Variants in SPTBN1 observed in about 807,000 individuals in gnomAD.
The protein encoded by SPTBN1 is spectrin beta, non-erythrocytic 1.
Under a neutral mutation model 266.4 loss-of-function variants are expected in SPTBN1, and 32 were observed. The observed-to-expected ratio is 0.12, with a 90% confidence interval of 0.09 to 0.16. The LOEUF (loss-of-function observed/expected upper bound fraction) is 0.16, where lower values mean the gene tolerates loss of function less well. SPTBN1 is among the 10% of genes least tolerant of loss of function. The pLI, the probability that SPTBN1 is intolerant of heterozygous loss-of-function variation, is 1.00. For synonymous variants in SPTBN1, 1,336 were observed against 1,162.2 expected (o/e 1.15, Z -3.04); for missense variants, 2,296 against 3,067.1 (o/e 0.75, Z 5.94).
intron 2 of SPTBN1, among the ~76,000 whole-genome samples, chr2:54,571,451 C>G (rs1310509515): frequency 6.6e-6 from 1 of 152,020 alleles, no homozygotes; most frequent in Non-Finnish European, 1.5e-5. Context: ...GCCAAACATT[C>G]CACATCCGGG....
At chr2:54,510,115 C>T (rs752996970) in intron 1 of SPTBN1, among the ~76,000 whole-genome samples, 2 of 151,960 alleles carry the variant, frequency 1.3e-5, no homozygotes, top group Non-Finnish European at 2.9e-5. Flanking sequence ...CCCACCTCTG[C>T]GCCCGGCTAA....
intron 1 of SPTBN1, among the ~76,000 whole-genome samples, chr2:54,519,664 T>C (rs1670316941): frequency 2.0e-5 from 3 of 152,204 alleles, no homozygotes; most frequent in Non-Finnish European, 4.4e-5. Context: ...TCTGATGGCA[T>C]TGGGAGCCAT....
rs1680928931 is a variant in SPTBN1 at position 54,659,992 on chromosome 2, C to A, written c.6413C>A (p.Ser2138Tyr). The change falls in exon 32 of 36, where the codon TCT becomes TAT. Residue 2138 changes from serine (S) to tyrosine (Y), a missense_variant. Ser to Tyr is a moderately radical substitution (Grantham distance 144, BLOSUM62 -2). Coordinates refer to ENST00000356805, the MANE Select transcript of SPTBN1 (RefSeq NM_003128.3). ...SQNGLPAEQG[S>Y]PRMAETVDTS... ...AACGGTTTGCCAGCTGAACAGGGAT[C>A]TCCACGGGTTAGTTACCGCTCTCAA... 1 of 1,614,078 alleles carries A rather than the reference C, an allele frequency of 6.2e-7. No individual in the cohort carries two copies. The highest frequency in any genetic ancestry group is 1.3e-5 in the African/African-American group (1 of 74,914).
intron 16 of SPTBN1, among the ~76,000 whole-genome samples, chr2:54,632,265 A>C (rs1004646493): frequency 4.6e-5 from 7 of 152,146 alleles, no homozygotes; most frequent in African/African-American, 1.4e-4. Context: ...TATGAAGGGT[A>C]CATTGCTGTT....
At position 54,628,181 on chromosome 2, in the gene SPTBN1, A is replaced by G; in HGVS notation, c.1729A>G (p.Ile577Val). The change falls in exon 13 of 36, where the codon ATT becomes GTT. Residue 577 changes from isoleucine to valine, a missense_variant. Ile to Val is a conservative substitution (Grantham distance 29). This residue lies in a region of SPTBN1 where 434 missense variants were observed against 573.9 expected (regional missense o/e 0.76). Transcript: ENST00000356805. The surrounding 1 kb of genome is among the most constrained non-coding windows in gnomAD (Gnocchi z 4.3). Reference sequence around the variant, plus strand: ...GAAGCACACCCTGGTTGAAGCAGACATTGGCATCCAGGCAGAGCGGGTGAG... The same window carrying G: ...GAAGCACACCCTGGTTGAAGCAGACGTTGGCATCCAGGCAGAGCGGGTGAG... ...LQKHTLVEAD[I>V]GIQAERVRGV... 1 of 1,614,162 alleles carries G rather than the reference A, an allele frequency of 6.2e-7. No individual in the cohort carries two copies. Among genetic ancestry groups the G allele is most frequent in the Non-Finnish European group, 8.5e-7 (1 of 1,180,014 alleles).
chr2:54,613,881 TTC>T (rs1300858706), intron 4 of SPTBN1, among the ~76,000 whole-genome samples: 1 of 152,178 alleles, frequency 6.6e-6, no homozygotes, highest in Non-Finnish European at 1.5e-5. Context: ...AATGTTGTAT[TTC>T]TGTTAGCTTT....
chr2:54,668,653 T>G lies in SPTBN1; in HGVS notation c.*84T>G. ...AGCTCAGAACCAACACATTACTCTCTGTGCCTAATGTTCCTCAATGTGGTT... is the reference window on the plus strand; with the variant it reads ...AGCTCAGAACCAACACATTACTCTCGGTGCCTAATGTTCCTCAATGTGGTT... On this transcript the variant is annotated 3_prime_UTR_variant, in exon 36 of 36. Coordinates refer to ENST00000356805, the MANE Select transcript of SPTBN1 (RefSeq NM_003128.3). 1 of 1,173,244 alleles carries G rather than the reference T, an allele frequency of 8.5e-7. No individual in the cohort carries two copies. The highest frequency in any genetic ancestry group is 1.2e-6 in the Non-Finnish European group (1 of 855,270). The allele number at this position is 1,173,244 out of a possible 1,614,324, so 72.7% of individuals were successfully genotyped here. A position where few individuals can be genotyped will look rare whatever the true frequency, so the allele number is the denominator to read the frequency against.
intron 2 of SPTBN1, among the ~76,000 whole-genome samples, chr2:54,578,750 G>A (rs921559555): frequency 3.9e-5 from 2 of 50,814 alleles, no homozygotes; most frequent in Non-Finnish European, 7.7e-5. Context: ...TTCTGATGGG[G>A]TGTGTGTGTG....
chr2:54,472,020 ATGTTT>A (rs1375926093), intron 1 of SPTBN1, among the ~76,000 whole-genome samples: 2 of 48,498 alleles, frequency 4.1e-5, no homozygotes, highest in Non-Finnish European at 7.1e-5. Flanking sequence ...GGCCCTGAAG[ATGTTT>A]TTTTTTTTTT....
chr2:54,632,149 A>G (rs568682657), intron 16 of SPTBN1, among the ~76,000 whole-genome samples: 2 of 150,640 alleles, frequency 1.3e-5, no homozygotes, highest in Non-Finnish European at 3.0e-5. Flanking sequence ...TTCTTGCTCT[A>G]GAAGGGTCAG....
At chr2:54,582,555 C>G (rs1675006050) in intron 2 of SPTBN1, among the ~76,000 whole-genome samples, 3 of 146,588 alleles carry the variant, frequency 2.0e-5, no homozygotes, top group East Asian at 2.0e-4. Context: ...CAGAGCAAGA[C>G]TCCGTCTCAA....
At chr2:54,488,045 G>T (rs1668501859) in intron 1 of SPTBN1, among the ~76,000 whole-genome samples, 1 of 151,844 alleles carries the variant, frequency 6.6e-6, no homozygotes, top group South Asian at 2.1e-4. Context: ...TGGCCAGGAT[G>T]GTCTTGATCT....
intron 1 of SPTBN1, among the ~76,000 whole-genome samples, chr2:54,516,893 T>C (rs1464636076): frequency 5.3e-5 from 8 of 152,242 alleles, no homozygotes; most frequent in Admixed American, 2.0e-4. Context: ...TGGTTTGACC[T>C]GGAAGGGCAG....
intron 3 of SPTBN1, among the ~76,000 whole-genome samples, chr2:54,607,015 C>T (rs1676886748): frequency 6.6e-6 from 1 of 152,224 alleles, no homozygotes; most frequent in Non-Finnish European, 1.5e-5. Context: ...TCTAGCATTT[C>T]CCACATAACC....
chr2:54,538,443 C>G (rs1028099969), intron 2 of SPTBN1, among the ~76,000 whole-genome samples: 3 of 152,194 alleles, frequency 2.0e-5, no homozygotes, highest in African/African-American at 7.2e-5. Context: ...GTTCCTTACT[C>G]ACATGTAACC....
intron 17 of SPTBN1, among the ~76,000 whole-genome samples, chr2:54,634,085 A>G (rs187649323): frequency 3.3e-3 from 508 of 152,330 alleles, no homozygotes; most frequent in Non-Finnish European, 4.4e-3. Flanking sequence ...TTTTTTTGTA[A>G]TATTAACTCT....
At chr2:54,478,252 G>A (rs1573230090) in intron 1 of SPTBN1, among the ~76,000 whole-genome samples, 1 of 152,010 alleles carries the variant, frequency 6.6e-6, no homozygotes. Flanking sequence ...GAGAACGCTC[G>A]TGTTTCATGC....
At chr2:54,570,763 C>T (rs1172765571) in intron 2 of SPTBN1, among the ~76,000 whole-genome samples, 1 of 152,142 alleles carries the variant, frequency 6.6e-6, no homozygotes, top group Non-Finnish European at 1.5e-5. Context: ...AATTATGTTT[C>T]TTAAGTAAGA....
intron 2 of SPTBN1, among the ~76,000 whole-genome samples, chr2:54,597,278 C>T (rs1233033818): frequency 6.6e-6 from 1 of 152,154 alleles, no homozygotes; most frequent in Non-Finnish European, 1.5e-5. Context: ...AAGCTTAGCC[C>T]CAGAATTACA....
Sources: allele counts gnomAD v4.1 joint callset (sites outside exome capture counted in the v4.1 genomes callset), GRCh38; gene constraint gnomAD v4.1.1; regional missense constraint gnomAD v4.1.1; non-coding constraint Gnocchi (gnomAD v3.1); transcripts MANE v1.5; gene names NCBI Gene and HGNC (gene_info 2026-07-23, HGNC 2026-07-21).